The following KCNIP3 variants were observed in gnomAD, a reference collection of about 807,000 sequenced individuals.
KCNIP3 encodes potassium voltage-gated channel interacting protein 3.
A neutral mutation model predicts 35.0 loss-of-function variants in KCNIP3; 28 were observed. That is an observed-to-expected ratio of 0.80 (90% CI 0.59 to 1.10). The LOEUF (loss-of-function observed/expected upper bound fraction) is 1.10, where lower values mean the gene tolerates loss of function less well. Among genes scored for constraint, KCNIP3 ranks in the 50% least tolerant of loss-of-function variants. The probability of loss-of-function intolerance (pLI) is 0.00; values close to 1 mark genes in which losing one functional copy is unlikely to be tolerated. For synonymous variants in KCNIP3, 134 were observed against 133.8 expected, an observed-to-expected ratio of 1.00 and a Z score of -0.01; for missense variants, 295 against 338.4, an observed-to-expected ratio of 0.87 and a Z score of 1.01.
chr2:95,383,615 G>C (rs1680405256), intron 8 of KCNIP3, among the ~76,000 whole-genome samples: 1 of 152,208 alleles, frequency 6.6e-6, no homozygotes, highest in South Asian at 2.1e-4. Context: ...CCGTGGGGAG[G>C]CACCAGAGCT....
At chr2:95,369,945 G>A (rs911901500) in intron 2 of KCNIP3, among the ~76,000 whole-genome samples, 4 of 152,032 alleles carry the variant, frequency 2.6e-5, no homozygotes, top group African/African-American at 7.2e-5. Flanking sequence ...TTAATTTTAG[G>A]TATTGTTTTG....
chr2:95,374,498 G>T, intron 3 of KCNIP3, 78 bp downstream of exon 3: 1 of 1,540,932 alleles, frequency 6.5e-7, no homozygotes, highest in Non-Finnish European at 8.8e-7. Flanking sequence ...CCATGCCACA[G>T]TAAATATCCC....
intron 2 of KCNIP3, among the ~76,000 whole-genome samples, chr2:95,321,505 C>A (rs1678598465): frequency 6.6e-6 from 1 of 152,206 alleles, no homozygotes; most frequent in Non-Finnish European, 1.5e-5. Context: ...AGAAGTTACA[C>A]ACAAAATTGG....
Position 95,378,809 on chromosome 2 carries a change from C to T in KCNIP3, c.448-2787C>T, listed in dbSNP as rs1222409201. On this transcript the variant is annotated intron_variant, in intron 5 of 8. Coordinates refer to ENST00000295225, the MANE Select transcript of KCNIP3 (RefSeq NM_013434.5). The surrounding 1 kb of genome is among the most constrained non-coding windows in gnomAD (Gnocchi z 4.0). ...ACACACACACACATATATATATATACACACACACACACATATATACACACA... is the reference window on the plus strand; with the variant it reads ...ACACACACACACATATATATATATATACACACACACACATATATACACACA... Among the ~76,000 whole-genome samples the T allele has an allele frequency of 2.0e-4, 29 of 146,666 alleles. No homozygotes were observed. The highest frequency in any genetic ancestry group is 2.6e-4 in the African/African-American group (10 of 37,976).
chr2:95,300,687 C>A (rs1427484864), intron 1 of KCNIP3, among the ~76,000 whole-genome samples: 1 of 152,224 alleles, frequency 6.6e-6, no homozygotes, highest in Admixed American at 6.5e-5. Flanking sequence ...CTGAGATCAG[C>A]CCATGCCTTA....
rs1288027866 is a variant in KCNIP3 at position 95,354,722 on chromosome 2, C to T, written c.182-19574C>T. 2.0e-5 allele frequency among the ~76,000 whole-genome samples: 3 copies of T among 152,250 alleles called. No homozygotes were observed. The East Asian group carries it at 5.8e-4, about 29-fold the overall frequency. On this transcript the variant is annotated intron_variant, in intron 2 of 8. Transcript: ENST00000295225. Reference sequence around the variant, plus strand: ...AAGGTGACCTTGGGGCCTGTTGGGTCTGCAGCTACCTCTTGGCTTGGAGCA... The same window carrying T: ...AAGGTGACCTTGGGGCCTGTTGGGTTTGCAGCTACCTCTTGGCTTGGAGCA...
rs772564950 is a variant in KCNIP3, at chr2:95,384,092, C to G, written c.*43C>G. The G allele has an allele frequency of 1.9e-6, 3 of 1,585,702 alleles. No individual in the cohort carries two copies. In the Admixed American group the frequency reaches 5.0e-5, roughly 27 times the overall value. ...GCATGGCCACAGCCACCTCCACCCCCAAGAAACCTCCATCCTGCCAGGAGC... is the reference window on the plus strand; with the variant it reads ...GCATGGCCACAGCCACCTCCACCCCGAAGAAACCTCCATCCTGCCAGGAGC... On this transcript the variant is annotated 3_prime_UTR_variant, in exon 9 of 9. Transcript: ENST00000295225.
intron 2 of KCNIP3, among the ~76,000 whole-genome samples, chr2:95,364,548 C>T (rs1473996608): frequency 6.6e-6 from 1 of 152,184 alleles, no homozygotes; most frequent in Non-Finnish European, 1.5e-5. Flanking sequence ...AGTATTGAAT[C>T]ACGGGCGCGG....
At chr2:95,351,787 C>T (rs1679531601) in intron 2 of KCNIP3, among the ~76,000 whole-genome samples, 2 of 152,122 alleles carry the variant, frequency 1.3e-5, no homozygotes, top group Admixed American at 1.3e-4. Flanking sequence ...CCAGACCAAC[C>T]TCATCAACAT....
chr2:95,369,771 C>A (rs1194118939), intron 2 of KCNIP3, among the ~76,000 whole-genome samples: 6 of 152,122 alleles, frequency 3.9e-5, no homozygotes, highest in Non-Finnish European at 1.5e-5. Context: ...GCTGGGACTA[C>A]AGGTGCACAC....
chr2:95,325,632 C>T (rs1430763939), intron 2 of KCNIP3, among the ~76,000 whole-genome samples: 3 of 151,438 alleles, frequency 2.0e-5, no homozygotes, highest in Admixed American at 6.6e-5. Context: ...CACACTCACA[C>T]ACACACACGC....
chr2:95,375,251 T>C, intron 5 of KCNIP3, 43 bp downstream of exon 5: 1 of 1,553,524 alleles, frequency 6.4e-7, no homozygotes, highest in Non-Finnish European at 8.9e-7. Context: ...GCCCCTGTGG[T>C]TGCAGGAGTG....
chr2:95,374,190 G>C (rs1315875534), intron 2 of KCNIP3, 106 bp from the exon 3 acceptor site: 1 of 1,403,508 alleles, frequency 7.1e-7, no homozygotes, highest in East Asian at 2.3e-5. Context: ...GTCATGCAAA[G>C]AGAGTTCCTC....
chr2:95,329,312 C>G (rs1410713489), intron 2 of KCNIP3, among the ~76,000 whole-genome samples: 1 of 152,220 alleles, frequency 6.6e-6, no homozygotes, highest in African/African-American at 2.4e-5. Flanking sequence ...TGATCCTGTA[C>G]TTCGACTAAG....
At chr2:95,323,747 C>T (rs576859068) in intron 2 of KCNIP3, among the ~76,000 whole-genome samples, 7 of 152,092 alleles carry the variant, frequency 4.6e-5, no homozygotes, top group South Asian at 2.1e-4. Context: ...AGCTAAGCCC[C>T]GGACAGGCTG....
rs1300312226 is a variant in KCNIP3, at chr2:95,382,798, G to A, written c.660+317G>A. Among the ~76,000 whole-genome samples, 2 of 152,212 alleles carry A rather than the reference G, an allele frequency of 1.3e-5. No individual in the cohort carries two copies. Among genetic ancestry groups the A allele is most frequent in the African/African-American group, 4.8e-5 (2 of 41,454 alleles). On this transcript the variant is annotated intron_variant, in intron 7 of 8. Coordinates refer to ENST00000295225, the MANE Select transcript of KCNIP3 (RefSeq NM_013434.5). The surrounding 1 kb of genome is among the most constrained non-coding windows in gnomAD (Gnocchi z 4.5). Reference sequence around the variant, plus strand: ...GCTCTGGGAGAGGAGCAGGTTGGGGGCCTTCACCTGTATGCATGGCGGCTG... The same window carrying A: ...GCTCTGGGAGAGGAGCAGGTTGGGGACCTTCACCTGTATGCATGGCGGCTG...
In KCNIP3 at chr2:95,325,784, CAT is replaced by C. The variant is rs558746662; in HGVS notation, c.181+15266_181+15267del. Among the ~76,000 whole-genome samples, 110 of 150,698 alleles carry C rather than the reference CAT, an allele frequency of 7.3e-4. No homozygotes were observed. In the South Asian group the frequency reaches 8.0e-3, roughly 11 times the overall value. ...ACATACACACTCATATACACACACT[CAT>C]ACACACTCATACACACATACACTCA... On this transcript the variant is annotated intron_variant, in intron 2 of 8. Coordinates refer to ENST00000295225, the MANE Select transcript of KCNIP3 (RefSeq NM_013434.5).
At chr2:95,370,258 TG>T (rs1680011793) in intron 2 of KCNIP3, among the ~76,000 whole-genome samples, 1 of 152,250 alleles carries the variant, frequency 6.6e-6, no homozygotes, top group Non-Finnish European at 1.5e-5. Context: ...TAACAAATTT[TG>T]GTTTGGCATG....
At chr2:95,373,416 T>G (rs1003784385) in intron 2 of KCNIP3, among the ~76,000 whole-genome samples, 10 of 5,526 alleles carry the variant, frequency 1.8e-3, no homozygotes, top group Admixed American at 0.01. Context: ...AGTTTGTGGT[T>G]TTTTTTTTTT....
Sources: allele counts gnomAD v4.1 joint callset (sites outside exome capture counted in the v4.1 genomes callset), GRCh38; gene constraint gnomAD v4.1.1; non-coding constraint Gnocchi (gnomAD v3.1); transcripts MANE v1.5; gene names NCBI Gene and HGNC (gene_info 2026-07-23, HGNC 2026-07-21).